The following ZIM2 variants were observed in gnomAD, a reference collection of about 807,000 sequenced individuals.
The protein encoded by ZIM2 is zinc finger protein 656.
ZIM2 carries 14 observed loss-of-function variants against 38.6 expected under a neutral mutation model. That is an observed-to-expected ratio of 0.36 (90% CI 0.24 to 0.57). The LOEUF (loss-of-function observed/expected upper bound fraction) is 0.57. Ranked by LOEUF, ZIM2 falls within the 20% of genes least tolerant of loss-of-function variation. ZIM2 has a pLI of 0.81. For synonymous variants in ZIM2, 247 were observed against 245.8 expected, an observed-to-expected ratio of 1.00 and a Z score of -0.04; for missense variants, 680 against 695.1, an observed-to-expected ratio of 0.98 and a Z score of 0.24.
In ZIM2 at chr19:56,823,013, G is replaced by A. The variant is rs187152287; in HGVS notation, c.107-177C>T. ...CTGGCCCCTTCTTTATCATATACCC[G>A]CAACATGGTTTCTGCAGGCTTTGCC... is the stretch of plus-strand genomic sequence containing the variant. On this transcript the variant is annotated intron_variant, in intron 5 of 12. Transcript: ENST00000629319. Among the ~76,000 whole-genome samples, 34 of 152,216 alleles carry A rather than the reference G, an allele frequency of 2.2e-4. No individual in the cohort carries two copies. The East Asian group carries it at 3.5e-3, about 16-fold the overall frequency.
chr19:56,839,778 G>A (rs1486835431), intron 1 of ZIM2, among the ~76,000 whole-genome samples: 1 of 151,636 alleles, frequency 6.6e-6, no homozygotes, highest in African/African-American at 2.4e-5. Flanking sequence ...AACAGCGCCT[G>A]CGCGGCAAAC....
intron 9 of ZIM2, chr19:56,817,319 A>G: frequency 6.2e-7 from 1 of 1,614,118 alleles, no homozygotes; most frequent in Non-Finnish European, 8.5e-7. Context: ...TTAAACCTAA[A>G]GCCTCCCCTA....
intron 9 of ZIM2, among the ~76,000 whole-genome samples, chr19:56,804,082 CTA>C (rs2047649195): frequency 6.6e-6 from 1 of 152,226 alleles, no homozygotes; most frequent in East Asian, 1.9e-4. Context: ...ATCCCACCTA[CTA>C]TGTTAATAAC....
chr19:56,824,760 T>C (rs565372631), intron 3 of ZIM2: 86 of 1,083,722 alleles, frequency 7.9e-5, no homozygotes, highest in African/African-American at 1.9e-4. Flanking sequence ...CGTAAGGAGA[T>C]ATACACATGT....
chr19:56,823,523 CTG>C (rs1187697210), intron 5 of ZIM2, 65 bp downstream of exon 5: 2 of 1,594,422 alleles, frequency 1.3e-6, no homozygotes, highest in Non-Finnish European at 8.6e-7. Flanking sequence ...CCCCAACCCA[CTG>C]TGTCTCCATC....
intron 10 of ZIM2, among the ~76,000 whole-genome samples, chr19:56,788,163 G>T (rs2046728292): frequency 6.7e-6 from 1 of 149,888 alleles, no homozygotes. Context: ...GAATTTGTTT[G>T]CTCTTGCTTC....
At chr19:56,837,802 C>T (rs2062348832) in intron 1 of ZIM2, among the ~76,000 whole-genome samples, 1 of 152,254 alleles carries the variant, frequency 6.6e-6, no homozygotes, top group South Asian at 2.1e-4. Context: ...CTCAAGATGG[C>T]GCCTGCGCAG....
chr19:56,779,598 C>G (rs2046217138), intron 11 of ZIM2, 126 bp from the exon 12 acceptor site: 1 of 869,156 alleles, frequency 1.2e-6, no homozygotes, highest in Non-Finnish European at 1.8e-6. Context: ...TTCCAGCCTA[C>G]AGAGATTTTA....
chr19:56,787,866 T>C (rs1427093602), intron 10 of ZIM2, among the ~76,000 whole-genome samples: 1 of 152,028 alleles, frequency 6.6e-6, no homozygotes, highest in African/African-American at 2.4e-5. Context: ...ATTTTCTAGT[T>C]TATTTGTGTA....
At chr19:56,816,952 T>C (rs2060036085) in intron 9 of ZIM2, 1 of 1,614,060 alleles carries the variant, frequency 6.2e-7, no homozygotes, top group African/African-American at 1.3e-5. Context: ...AACCTGACTT[T>C]TCTGAACTTC....
At chr19:56,813,424 T>A in intron 9 of ZIM2, 1 of 1,298,364 alleles carries the variant, frequency 7.7e-7, no homozygotes, top group Non-Finnish European at 9.8e-7. Flanking sequence ...CTCAATCTGA[T>A]TACTTGGAAA....
chr19:56,835,703 C>T (rs1255615939), intron 2 of ZIM2, among the ~76,000 whole-genome samples: 1 of 152,248 alleles, frequency 6.6e-6, no homozygotes, highest in African/African-American at 2.4e-5. Context: ...AAAGTACACA[C>T]TTGATCAATA....
intron 9 of ZIM2, chr19:56,812,141 AT>A (rs1035128338): frequency 9.3e-6 from 9 of 965,764 alleles, no homozygotes; most frequent in East Asian, 1.1e-4. Flanking sequence ...TAAATTTTAT[AT>A]TTTTTTTCCA....
chr19:56,830,612 G>A (rs60539707), intron 2 of ZIM2, among the ~76,000 whole-genome samples: 7,586 of 152,200 alleles, frequency 0.05, 610 homozygotes, highest in African/African-American at 0.17. Flanking sequence ...AAAAAGAAAA[G>A]TATAAATATG....
intron 9 of ZIM2, chr19:56,816,811 A>T: frequency 6.2e-7 from 1 of 1,614,152 alleles, no homozygotes; most frequent in Non-Finnish European, 8.5e-7. Flanking sequence ...GCTAGGCATG[A>T]AGGCTTCCTC....
At chr19:56,782,205 G>C in intron 10 of ZIM2, 84 bp from the exon 11 acceptor site, 1 of 1,533,350 alleles carries the variant, frequency 6.5e-7, no homozygotes, top group African/African-American at 1.4e-5. Flanking sequence ...GCTTCCACGT[G>C]CTCTAATCCA....
chr19:56,818,244 C>T (rs1476903727), intron 8 of ZIM2, among the ~76,000 whole-genome samples: 1 of 152,190 alleles, frequency 6.6e-6, no homozygotes, highest in East Asian at 1.9e-4. Context: ...CCACTACCAA[C>T]TTGGGCTAGA....
chr19:56,783,836 GAAAA>G (rs201396603), intron 10 of ZIM2, among the ~76,000 whole-genome samples: 3 of 149,680 alleles, frequency 2.0e-5, no homozygotes, highest in Non-Finnish European at 4.5e-5. Flanking sequence ...AAATAAAAGT[GAAAA>G]AAAAAGATAG....
chr19:56,819,026 C>T (rs927729628), intron 7 of ZIM2, among the ~76,000 whole-genome samples: 5 of 152,110 alleles, frequency 3.3e-5, no homozygotes, highest in South Asian at 4.1e-4. Context: ...AAGTGCTAAA[C>T]GGGTTTTGTA....
Sources: gnomAD v4.1 joint callset for allele counts (sites outside exome capture counted in the v4.1 genomes callset) on GRCh38, gnomAD v4.1.1 for gene constraint, MANE v1.5 for transcripts, NCBI Gene and HGNC (gene_info 2026-07-23, HGNC 2026-07-21) for gene names.